HS3ST4: variants seen among roughly 807,000 people sequenced by gnomAD.
The protein encoded by HS3ST4 is heparan sulfate-glucosamine 3-sulfotransferase 4, also known as heparan sulfate glucosamine 3-O-sulfotransferase 4.
In HS3ST4, 17 loss-of-function variants were observed where a neutral mutation model predicts 29.2. The ratio of observed to expected loss-of-function variants is 0.58; its 90% CI spans 0.40 to 0.87. The LOEUF is 0.87. Among genes scored for constraint, HS3ST4 ranks in the 40% least tolerant of loss-of-function variants. The pLI is 0.00. For missense variants in HS3ST4, 627 were observed against 634.5 expected, an observed-to-expected ratio of 0.99 and a Z score of 0.13; for synonymous variants, 314 against 285.7, an observed-to-expected ratio of 1.10 and a Z score of -1.00.
At chr16:26,012,672 C>A (rs1969321154) in intron 1 of HS3ST4, among the ~76,000 whole-genome samples, 2 of 152,140 alleles carry the variant, frequency 1.3e-5, no homozygotes, top group South Asian at 4.1e-4. Flanking sequence ...TGTCTCTACC[C>A]CCACATTTCA....
At chr16:26,031,065 C>T (rs578174348) in intron 1 of HS3ST4, among the ~76,000 whole-genome samples, 1 of 152,152 alleles carries the variant, frequency 6.6e-6, no homozygotes, top group Non-Finnish European at 1.5e-5. Flanking sequence ...CCTAGTGTGG[C>T]GATGAGTATC....
chr16:26,096,544 G>A (rs1898928319), intron 1 of HS3ST4, among the ~76,000 whole-genome samples: 1 of 152,012 alleles, frequency 6.6e-6, no homozygotes, highest in African/African-American at 2.4e-5. Context: ...CAATTCCACA[G>A]CACCTTTATG....
intron 1 of HS3ST4, among the ~76,000 whole-genome samples, chr16:25,903,319 T>TTATATACATATGTATATGTATATATTA (rs1968139225): frequency 8.9e-6 from 1 of 112,598 alleles, no homozygotes; most frequent in African/African-American, 3.3e-5. Flanking sequence ...TATGTATATA[T>TTATATACATATGTATATGTATATATTA]TATATATATG....
chr16:25,985,799 C>T (rs1969056447), intron 1 of HS3ST4, among the ~76,000 whole-genome samples: 2 of 152,120 alleles, frequency 1.3e-5, no homozygotes, highest in South Asian at 4.1e-4. Flanking sequence ...GATCCTCCCA[C>T]CTCTGCCTCT....
Position 26,022,990 on chromosome 16 carries a change from C to T in HS3ST4, c.735-112622C>T, listed in dbSNP as rs556576011. ...CCAGGAGGCGGAGGTTGCAATGAGC[C>T]GAGGTCATGCCATTGCACTCCAGGT... On this transcript the variant is annotated intron_variant, in intron 1 of 1. Coordinates refer to ENST00000331351, the MANE Select transcript of HS3ST4 (RefSeq NM_006040.3). Among the ~76,000 whole-genome samples, 16 of 151,878 alleles carry T rather than the reference C, an allele frequency of 1.1e-4. No homozygotes were observed. The East Asian group carries it at 1.2e-3, about 11-fold the overall frequency.
At chr16:25,809,373 C>T (rs1190879965) in intron 1 of HS3ST4, among the ~76,000 whole-genome samples, 1 of 152,140 alleles carries the variant, frequency 6.6e-6, no homozygotes, top group Non-Finnish European at 1.5e-5. Flanking sequence ...ATCTGCTTTG[C>T]ATACCTGGAA....
chr16:26,088,794 C>G (rs4520841), intron 1 of HS3ST4, among the ~76,000 whole-genome samples: 3 of 152,110 alleles, frequency 2.0e-5, no homozygotes, highest in East Asian at 3.9e-4. Context: ...CTCCAGTTAG[C>G]GATCATGAGG....
chr16:26,094,640 G>A (rs1364029787), intron 1 of HS3ST4, among the ~76,000 whole-genome samples: 1 of 152,170 alleles, frequency 6.6e-6, no homozygotes, highest in Admixed American at 6.5e-5. Context: ...GAAACAATCA[G>A]TACCAGCCAC....
At chr16:25,788,148 C>T (rs546081053) in intron 1 of HS3ST4, among the ~76,000 whole-genome samples, 56 of 152,228 alleles carry the variant, frequency 3.7e-4, no homozygotes, top group African/African-American at 9.9e-4. Flanking sequence ...TGCAGTGGCT[C>T]ACACCTGGAA....
At chr16:26,117,620 G>T (rs955275997) in intron 1 of HS3ST4, among the ~76,000 whole-genome samples, 1 of 152,202 alleles carries the variant, frequency 6.6e-6, no homozygotes, top group Non-Finnish European at 1.5e-5. Flanking sequence ...TCTTCAGCAG[G>T]TCAGCCTCAG....
At chr16:25,781,872 G>C (rs1426954306) in intron 1 of HS3ST4, among the ~76,000 whole-genome samples, 1 of 152,124 alleles carries the variant, frequency 6.6e-6, no homozygotes, top group East Asian at 1.9e-4. Flanking sequence ...TTCATTGAGT[G>C]TTTCCTCCCT....
chr16:26,078,991 G>T (rs1352650155), intron 1 of HS3ST4, among the ~76,000 whole-genome samples: 1 of 152,180 alleles, frequency 6.6e-6, no homozygotes, highest in East Asian at 1.9e-4. Context: ...AAATGAGAAC[G>T]GAACAGTAGG....
In HS3ST4 at chr16:26,032,870, G is replaced by C. The variant is rs373395359; in HGVS notation, c.735-102742G>C. 3 of 1,526,608 alleles carry C rather than the reference G, an allele frequency of 2.0e-6. No homozygotes were observed. The African/African-American group carries it at 4.1e-5, about 21-fold the overall frequency. The allele number at this position is 1,526,608 out of a possible 1,614,324, so 94.6% of individuals were successfully genotyped here. ...CTGGACGCGGGATGCAGTGGCGCGC[G>C]GGCTTTGGTCGGTCTGGGGGTCGTT... On this transcript the variant is annotated intron_variant, in intron 1 of 1. Coordinates refer to ENST00000331351, the MANE Select transcript of HS3ST4 (RefSeq NM_006040.3).
At chr16:26,016,044 C>G (rs1215367555) in intron 1 of HS3ST4, among the ~76,000 whole-genome samples, 2 of 152,158 alleles carry the variant, frequency 1.3e-5, no homozygotes, top group Non-Finnish European at 2.9e-5. Flanking sequence ...AAAGAGATAG[C>G]TGCCCCAAAG....
At chr16:26,105,892 CACTT>C (rs1899049567) in intron 1 of HS3ST4, among the ~76,000 whole-genome samples, 1 of 152,200 alleles carries the variant, frequency 6.6e-6, no homozygotes, top group Non-Finnish European at 1.5e-5. Context: ...GACTGTCACT[CACTT>C]AGATTCTAAA....
In HS3ST4 at chr16:25,823,183, C is replaced by T. The variant is rs565295631; in HGVS notation, c.734+130032C>T. Among the ~76,000 whole-genome samples, 13 of 152,304 alleles carry T rather than the reference C, an allele frequency of 8.5e-5. No individual in the cohort carries two copies. The South Asian group carries it at 2.7e-3, about 32-fold the overall frequency. ...TATGTGCCAAGTGGCCATAATTGTG[C>T]ATTCCAGAAAAGGGGATTTCTTTAG... is the stretch of plus-strand genomic sequence containing the variant. On this transcript the variant is annotated intron_variant, in intron 1 of 1. Coordinates refer to ENST00000331351, the MANE Select transcript of HS3ST4 (RefSeq NM_006040.3).
intron 1 of HS3ST4, among the ~76,000 whole-genome samples, chr16:25,848,284 G>A (rs551390373): frequency 5.3e-5 from 8 of 151,894 alleles, no homozygotes; most frequent in East Asian, 1.9e-4. Flanking sequence ...GATTACAGGC[G>A]TGTGCCACCA....
intron 1 of HS3ST4, among the ~76,000 whole-genome samples, chr16:25,786,508 A>G (rs1183774846): frequency 6.6e-6 from 1 of 152,206 alleles, no homozygotes; most frequent in Non-Finnish European, 1.5e-5. Context: ...TTATTCTAAA[A>G]TGATTTGTAA....
chr16:26,106,439 G>T (rs1899058139), intron 1 of HS3ST4, among the ~76,000 whole-genome samples: 1 of 152,154 alleles, frequency 6.6e-6, no homozygotes, highest in Non-Finnish European at 1.5e-5. Context: ...TTGTATACAT[G>T]TTCTAAGTGG....
Sources: gnomAD v4.1 joint callset for allele counts (sites outside exome capture counted in the v4.1 genomes callset) on GRCh38, gnomAD v4.1.1 for gene constraint, MANE v1.5 for transcripts, NCBI Gene and HGNC (gene_info 2026-07-23, HGNC 2026-07-21) for gene names.